The following SLC24A3 variants were observed in gnomAD, a reference collection of about 807,000 sequenced individuals.
The protein encoded by SLC24A3 is sodium/potassium/calcium exchanger 3.
Under a neutral mutation model 75.8 loss-of-function variants are expected in SLC24A3, and 28 were observed. That is an observed-to-expected ratio of 0.37 (90% confidence interval 0.27 to 0.51). SLC24A3 has a LOEUF of 0.51. SLC24A3 is among the 20% of genes least tolerant of loss of function. The probability of loss-of-function intolerance (pLI) is 0.94; values close to 1 mark genes in which losing one functional copy is unlikely to be tolerated. For synonymous variants in SLC24A3, 372 were observed against 334.1 expected (o/e 1.11, Z -1.24); for missense variants, 663 against 847.8 (o/e 0.78, Z 2.71).
intron 2 of SLC24A3, among the ~76,000 whole-genome samples, chr20:19,325,785 TATATATATATAGAGAGAGAG>T (rs1984835726): frequency 1.1e-5 from 1 of 95,150 alleles, no homozygotes; most frequent in African/African-American, 3.8e-5. Flanking sequence ...TACATATATA[TATATATATATAGAGAGAGAG>T]AGAGAGAGAG....
At chr20:19,717,724 C>G in intron 16 of SLC24A3, 131 bp downstream of exon 16, 1 of 952,926 alleles carries the variant, frequency 1.0e-6, no homozygotes, top group Non-Finnish European at 1.6e-6. Flanking sequence ...TCTCCTGGCT[C>G]TTTCTTCTAG....
chr20:19,222,001 C>T (rs774257919), intron 1 of SLC24A3, among the ~76,000 whole-genome samples: 3 of 152,042 alleles, frequency 2.0e-5, no homozygotes, highest in Admixed American at 6.5e-5. Flanking sequence ...CCTGGATTGA[C>T]CTTCTAATTT....
intron 9 of SLC24A3, among the ~76,000 whole-genome samples, chr20:19,673,885 T>G (rs924029394): frequency 2.0e-5 from 3 of 152,236 alleles, no homozygotes; most frequent in African/African-American, 7.2e-5. Context: ...AGTGTTTCAC[T>G]TGAGAACTCT....
intron 2 of SLC24A3, among the ~76,000 whole-genome samples, chr20:19,479,430 C>A (rs1450049261): frequency 6.6e-6 from 1 of 152,184 alleles, no homozygotes; most frequent in East Asian, 1.9e-4. Context: ...TTCTGTTCTC[C>A]CTTCTCGCAG....
intron 6 of SLC24A3, among the ~76,000 whole-genome samples, chr20:19,614,102 T>A (rs1379977114): frequency 6.6e-6 from 1 of 152,188 alleles, no homozygotes; most frequent in African/African-American, 2.4e-5. Context: ...GCATCTGGAA[T>A]CTTTAAGAGA....
At chr20:19,385,852 G>T (rs1446178312) in intron 2 of SLC24A3, among the ~76,000 whole-genome samples, 1 of 152,072 alleles carries the variant, frequency 6.6e-6, no homozygotes, top group Non-Finnish European at 1.5e-5. Context: ...GCCCAGGCTG[G>T]TCTCAAACTC....
chr20:19,388,574 G>A (rs1017707760), intron 2 of SLC24A3, among the ~76,000 whole-genome samples: 1 of 152,158 alleles, frequency 6.6e-6, no homozygotes, highest in African/African-American at 2.4e-5. Context: ...AGCCGGGCGT[G>A]GTGGTGGGTG....
intron 1 of SLC24A3, among the ~76,000 whole-genome samples, chr20:19,238,526 A>G (rs1191849261): frequency 6.6e-6 from 1 of 152,174 alleles, no homozygotes. Flanking sequence ...GCTGCAGTAG[A>G]TCCTAATAAA....
At chr20:19,224,121 AGT>A (rs11470026) in intron 1 of SLC24A3, among the ~76,000 whole-genome samples, 82,779 of 149,076 alleles carry the variant, frequency 0.56, 23,145 homozygotes, top group East Asian at 0.76. Flanking sequence ...TGAGTGTGTG[AGT>A]GTGTGTGTGT....
At chr20:19,374,738 A>C (rs1986052141) in intron 2 of SLC24A3, among the ~76,000 whole-genome samples, 1 of 152,202 alleles carries the variant, frequency 6.6e-6, no homozygotes, top group African/African-American at 2.4e-5. Context: ...GCAGCAGAAC[A>C]TGGATTCATA....
chr20:19,654,641 CTTTTTTTTTTTTTT>C (rs34507566), intron 7 of SLC24A3, among the ~76,000 whole-genome samples: 6 of 89,950 alleles, frequency 6.7e-5, no homozygotes, highest in Non-Finnish European at 1.2e-4. Context: ...AAATAGAATC[CTTTTTTTTTTTTTT>C]TTTTTTTTTT....
At chr20:19,448,068 T>A (rs1253815454) in intron 2 of SLC24A3, among the ~76,000 whole-genome samples, 1 of 152,248 alleles carries the variant, frequency 6.6e-6, no homozygotes, top group Non-Finnish European at 1.5e-5. Context: ...CGGCCTTAGC[T>A]GGTTCTAGGT....
intron 1 of SLC24A3, among the ~76,000 whole-genome samples, chr20:19,251,154 A>G (rs946296098): frequency 1.3e-5 from 2 of 152,208 alleles, no homozygotes; most frequent in Non-Finnish European, 2.9e-5. Context: ...TGGAAAACCC[A>G]GCTCACCCTC....
chr20:19,336,443 C>T (rs1380786550), intron 2 of SLC24A3, among the ~76,000 whole-genome samples: 1 of 151,776 alleles, frequency 6.6e-6, no homozygotes, highest in Non-Finnish European at 1.5e-5. Flanking sequence ...GTCACCCAGG[C>T]TGGCATGCCG....
At chr20:19,634,451 T>A (rs2031975114) in intron 6 of SLC24A3, among the ~76,000 whole-genome samples, 1 of 152,118 alleles carries the variant, frequency 6.6e-6, no homozygotes, top group Non-Finnish European at 1.5e-5. Flanking sequence ...ACAGTGTTCA[T>A]CAAAAGGCTT....
chr20:19,261,906 G>A lies in SLC24A3; in HGVS notation c.143-19053G>A, dbSNP rs908356574. ...AAATAGAAAACAATGCAAAATGCTT[G>A]ATGTATTGGAGATTTATCAGCAGCT... On this transcript the variant is annotated intron_variant, in intron 1 of 16. Transcript: ENST00000328041. The A allele has an allele frequency of 2.6e-5, 4 of 152,254 alleles. No homozygotes were observed. In the East Asian group the frequency reaches 7.7e-4, roughly 29 times the overall value. 9.4% of individuals were successfully genotyped at this position (152,254 alleles called of 1,614,324 possible).
chr20:19,720,838 G>A (rs536394689), intron 16 of SLC24A3, among the ~76,000 whole-genome samples, 153 bp from the exon 17 acceptor site: 28 of 152,190 alleles, frequency 1.8e-4, no homozygotes, highest in African/African-American at 6.3e-4. Flanking sequence ...AATCTGAGAC[G>A]AGAGGTGGAT....
At chr20:19,312,152 G>T (rs1456877383) in intron 2 of SLC24A3, among the ~76,000 whole-genome samples, 1 of 152,146 alleles carries the variant, frequency 6.6e-6, no homozygotes, top group Non-Finnish European at 1.5e-5. Flanking sequence ...AGTGGCAGTG[G>T]GTGTCCCTCA....
intron 1 of SLC24A3, among the ~76,000 whole-genome samples, chr20:19,232,263 C>T (rs1982043078): frequency 6.6e-6 from 1 of 152,118 alleles, no homozygotes; most frequent in Admixed American, 6.5e-5. Context: ...AAACATGCAA[C>T]ATGTGACATT....
Sources: gnomAD v4.1 joint callset for allele counts (sites outside exome capture counted in the v4.1 genomes callset) on GRCh38, gnomAD v4.1.1 for gene constraint, MANE v1.5 for transcripts, NCBI Gene and HGNC (gene_info 2026-07-23, HGNC 2026-07-21) for gene names.